WIPF1: variants seen among roughly 807,000 people sequenced by gnomAD.
WIPF1 encodes the protein WAS/WASL-interacting protein family member 1.
WIPF1 carries 13 observed loss-of-function variants against 35.4 expected under a neutral mutation model. The ratio of observed to expected loss-of-function variants is 0.37; its 90% CI spans 0.24 to 0.58. The LOEUF (loss-of-function observed/expected upper bound fraction) is 0.58. Ranked by LOEUF, WIPF1 falls within the 20% of genes least tolerant of loss-of-function variation. The pLI is 0.74. For missense variants in WIPF1, 591 were observed against 667.0 expected (o/e 0.89, Z 1.25); for synonymous variants, 267 against 266.3 (o/e 1.00, Z -0.02).
Position 174,628,795 on chromosome 2 carries a change from C to T in WIPF1, c.-38-43184G>A, listed in dbSNP as rs529527139. Among the ~76,000 whole-genome samples, 3 of 152,332 alleles carry T rather than the reference C, an allele frequency of 2.0e-5. No individual in the cohort carries two copies. In the South Asian group the frequency reaches 6.2e-4, roughly 32 times the overall value. On this transcript the variant is annotated intron_variant, in intron 1 of 8. Transcript: ENST00000272746. ...TGAGCTACTTTGACCATAGACAAAT[C>T]ACCTAATCTCTCTGGGCCTTAGTTT...
At chr2:174,634,665 A>G (rs562578575) in intron 1 of WIPF1, 1 of 152,348 alleles carries the variant, frequency 6.6e-6, no homozygotes, top group South Asian at 2.1e-4. Flanking sequence ...GAGGCATGTG[A>G]TAAGATCAAT....
rs755434438 is a variant in WIPF1, at chr2:174,585,516, C to T, written c.51+7G>A. On this transcript the variant is annotated splice_region_variant and intron_variant, in intron 2 of 7. Coordinates refer to ENST00000679041, the MANE Select transcript of WIPF1 (RefSeq NM_001375834.1). Reference sequence around the variant, plus strand: ...GCATAGAAAGTGTTTGGGGAGGAGACACTCACCAGTGCAAACGTCGGGGGC... The same window carrying T: ...GCATAGAAAGTGTTTGGGGAGGAGATACTCACCAGTGCAAACGTCGGGGGC... 4 of 1,584,088 alleles carry T rather than the reference C, an allele frequency of 2.5e-6. No homozygotes were observed. In the South Asian group the frequency reaches 3.3e-5, roughly 13 times the overall value.
chr2:174,650,507 C>G (rs1173623832), intron 1 of WIPF1, among the ~76,000 whole-genome samples: 1 of 152,136 alleles, frequency 6.6e-6, no homozygotes, highest in African/African-American at 2.4e-5. Context: ...CTTTGTTACT[C>G]CTCCTATAAG....
At chr2:174,626,973 G>A (rs949105713) in intron 1 of WIPF1, among the ~76,000 whole-genome samples, 1 of 152,124 alleles carries the variant, frequency 6.6e-6, no homozygotes, top group Admixed American at 6.5e-5. Context: ...TGACCAACAT[G>A]GCCCTCCAGG....
At chr2:174,597,376 A>C (rs1685852767) in intron 1 of WIPF1, among the ~76,000 whole-genome samples, 2 of 152,234 alleles carry the variant, frequency 1.3e-5, no homozygotes, top group African/African-American at 4.8e-5. Context: ...AAAAAATTCT[A>C]TTGAAAATCT....
intron 1 of WIPF1, among the ~76,000 whole-genome samples, chr2:174,646,977 G>T (rs774121086): frequency 6.6e-6 from 1 of 152,188 alleles, no homozygotes; most frequent in South Asian, 2.1e-4. Flanking sequence ...AAATCAAACG[G>T]AACAGAGCTG....
At position 174,562,410 on chromosome 2, in the gene WIPF1, C is replaced by G; in HGVS notation, c.*137G>C. 1 of 1,532,688 alleles carries G rather than the reference C, an allele frequency of 6.5e-7. No homozygotes were observed. The highest frequency in any genetic ancestry group is 2.4e-5 in the East Asian group (1 of 41,818). The allele number at this position is 1,532,688 out of a possible 1,614,324, so 94.9% of individuals were successfully genotyped here. ...TCTTACCGATTCCCACCCACACACG[C>G]ATATTCCCACTCCCCCTCCCACCTT... On this transcript the variant is annotated 3_prime_UTR_variant, in exon 8 of 8. Coordinates refer to ENST00000679041, the MANE Select transcript of WIPF1 (RefSeq NM_001375834.1).
intron 1 of WIPF1, among the ~76,000 whole-genome samples, chr2:174,651,000 T>G (rs1317997666): frequency 3.9e-5 from 6 of 152,258 alleles, no homozygotes; most frequent in African/African-American, 1.4e-4. Context: ...TCGCATTGCT[T>G]GTTGGGCTTT....
chr2:174,627,684 C>T (rs756801509), intron 1 of WIPF1, among the ~76,000 whole-genome samples: 1 of 151,892 alleles, frequency 6.6e-6, no homozygotes, highest in Non-Finnish European at 1.5e-5. Flanking sequence ...TTAGCTGGAA[C>T]CACAGGTGAA....
upstream of WIPF1, among the ~76,000 whole-genome samples, chr2:174,602,024 C>T (rs1323675056): frequency 2.0e-5 from 3 of 152,164 alleles, no homozygotes; most frequent in African/African-American, 7.2e-5. Context: ...TATACTATAA[C>T]CAAAGGCCTG....
At chr2:174,574,719 C>T (rs1157256206) in intron 4 of WIPF1, 15 of 618,928 alleles carry the variant, frequency 2.4e-5, no homozygotes, top group Non-Finnish European at 4.1e-5. Context: ...CACTGAAATA[C>T]CAAATATCTG....
chr2:174,601,521 G>A (rs2105882244), upstream of WIPF1, among the ~76,000 whole-genome samples: 1 of 152,302 alleles, frequency 6.6e-6, no homozygotes, highest in East Asian at 1.9e-4. Context: ...AAGAAAATAA[G>A]GCAAGAAAAG....
At position 174,571,756 on chromosome 2, in the gene WIPF1, G is replaced by A; in HGVS notation, c.1049C>T (p.Ser350Leu). ...SLSSSTPPLPSPGRSGPLPPP... is the reference protein window; with the variant it reads ...SLSSSTPPLPLPGRSGPLPPP... ...AGGAAGAGGACCTGAACGTCCTGGCGAAGGTAACGGGGGCGTGGACGAACT... is the reference window on the plus strand; with the variant it reads ...AGGAAGAGGACCTGAACGTCCTGGCAAAGGTAACGGGGGCGTGGACGAACT... Residue 350 changes from serine (S) to leucine (L), a missense_variant, in exon 5 of 8, where the codon TCG (serine) becomes TTG (leucine). Ser to Leu is a moderately radical substitution (Grantham distance 145). Transcript: ENST00000679041. The surrounding 1 kb of genome is among the most constrained non-coding windows in gnomAD (Gnocchi z 4.6). The A allele has an allele frequency of 6.2e-7, 1 of 1,614,200 alleles. No individual in the cohort carries two copies. Among genetic ancestry groups the A allele is most frequent in the Non-Finnish European group, 8.5e-7 (1 of 1,180,030 alleles).
chr2:174,629,756 T>C (rs966175479), intron 1 of WIPF1: 1 of 152,268 alleles, frequency 6.6e-6, no homozygotes, highest in Non-Finnish European at 1.5e-5. Context: ...CGTAGCAGGC[T>C]GGTGAGGTAT....
chr2:174,596,432 A>G (rs527354733), intron 1 of WIPF1, among the ~76,000 whole-genome samples: 169 of 152,334 alleles, frequency 1.1e-3, no homozygotes, highest in Non-Finnish European at 1.8e-3. Flanking sequence ...ATCAACCTCA[A>G]AACCTTTTCC....
intron 1 of WIPF1, among the ~76,000 whole-genome samples, chr2:174,679,528 C>T (rs1688208455): frequency 6.6e-6 from 1 of 151,944 alleles, no homozygotes. Flanking sequence ...GGGACTGGCC[C>T]ATGCTTTACC....
chr2:174,562,842 A>G (rs905380865), intron 7 of WIPF1, among the ~76,000 whole-genome samples: 31 of 152,344 alleles, frequency 2.0e-4, no homozygotes, highest in African/African-American at 6.3e-4. Flanking sequence ...GTTAAAAAAA[A>G]TCATTTTCTT....
intron 1 of WIPF1, among the ~76,000 whole-genome samples, chr2:174,659,350 G>A (rs1219986972): frequency 6.6e-6 from 1 of 152,222 alleles, no homozygotes; most frequent in Non-Finnish European, 1.5e-5. Context: ...ATCCATGGGT[G>A]TCTCAAGGAG....
Position 174,562,317 on chromosome 2 carries a change from C to G in WIPF1, c.*230G>C, listed in dbSNP as rs1487566320. 2 of 1,493,032 alleles carry G rather than the reference C, an allele frequency of 1.3e-6. No individual in the cohort carries two copies. The highest frequency in any genetic ancestry group is 1.4e-5 in the African/African-American group (1 of 71,198). 92.5% of individuals were successfully genotyped at this position (1,493,032 alleles called of 1,614,324 possible). A position where few individuals can be genotyped will look rare whatever the true frequency, so the allele number is the denominator to read the frequency against. On this transcript the variant is annotated 3_prime_UTR_variant, in exon 8 of 8. Transcript: ENST00000679041. ...AGCCTATCGACCCCAGCAGCCAGCACAGGCAGGCTGCAGCTGAAGCAAGCA... is the reference window on the plus strand; with the variant it reads ...AGCCTATCGACCCCAGCAGCCAGCAGAGGCAGGCTGCAGCTGAAGCAAGCA...
Sources: allele counts gnomAD v4.1 joint callset (sites outside exome capture counted in the v4.1 genomes callset), GRCh38; gene constraint gnomAD v4.1.1; non-coding constraint Gnocchi (gnomAD v3.1); transcripts MANE v1.5; gene names NCBI Gene and HGNC (gene_info 2026-07-23, HGNC 2026-07-21).